Variants in ACLY observed in about 807,000 individuals in gnomAD.
The protein encoded by ACLY is ATP-citrate synthase.
Under a neutral mutation model 133.0 loss-of-function variants are expected in ACLY, and 41 were observed. That is an observed-to-expected ratio of 0.31 (90% CI 0.24 to 0.40). The LOEUF (loss-of-function observed/expected upper bound fraction) is 0.40, where lower values mean the gene tolerates loss of function less well. Ranked by LOEUF, ACLY falls within the 10% of genes least tolerant of loss-of-function variation. The pLI, the probability that ACLY is intolerant of heterozygous loss-of-function variation, is 1.00. For synonymous variants in ACLY, 495 were observed against 549.3 expected, an observed-to-expected ratio of 0.90 and a Z score of 1.38; for missense variants, 1,046 against 1,453.8, an observed-to-expected ratio of 0.72 and a Z score of 4.56.
chr17:41,873,956 A>T lies in ACLY; in HGVS notation c.2497T>A (p.Leu833Met). ...ATGAACGAGGCAGGTTTGCGGATCA[A>T]ACCAAGCTCCTGGGCAGAGATGGGG... ...MDYSWARELG[L>M]IRKPASFMTS... Residue 833 changes from leucine to methionine, a missense_variant, in exon 23 of 29, where the codon TTG (leucine) becomes ATG (methionine). Leu to Met is a conservative substitution (Grantham distance 15, BLOSUM62 2). Transcript: ENST00000352035. 1.2e-6 allele frequency: 2 copies of T among 1,601,462 alleles called. No individual in the cohort carries two copies. The highest frequency in any genetic ancestry group is 1.7e-6 in the Non-Finnish European group (2 of 1,171,710).
intron 11 of ACLY, among the ~76,000 whole-genome samples, chr17:41,901,442 A>G (rs1367432128): frequency 6.6e-6 from 1 of 152,194 alleles, no homozygotes; most frequent in Non-Finnish European, 1.5e-5. Context: ...TCACCAGCAC[A>G]AAGCCCAGCA....
At chr17:41,926,829 T>C (rs1408004870) in intron 1 of ACLY, among the ~76,000 whole-genome samples, 3 of 152,114 alleles carry the variant, frequency 2.0e-5, no homozygotes, top group Non-Finnish European at 4.4e-5. Flanking sequence ...ATATAATTAA[T>C]GTACAATAAA....
intron 9 of ACLY, among the ~76,000 whole-genome samples, chr17:41,904,993 G>T (rs1555632320): frequency 6.6e-6 from 1 of 152,094 alleles, no homozygotes; most frequent in East Asian, 1.9e-4. Context: ...CCAGACAGGG[G>T]TCAGAACAAA....
chr17:41,904,543 C>T (rs1216553440), intron 10 of ACLY, 186 bp downstream of exon 10: 13 of 604,852 alleles, frequency 2.1e-5, no homozygotes, highest in African/African-American at 9.3e-5. Context: ...AGACACACAG[C>T]GCAGATGGGC....
intron 1 of ACLY, among the ~76,000 whole-genome samples, chr17:41,928,761 G>A (rs1377875060): frequency 2.6e-5 from 4 of 151,190 alleles, no homozygotes; most frequent in Non-Finnish European, 5.9e-5. Context: ...GCTAAGGCAG[G>A]AGACTAGCTT....
At chr17:41,907,208 A>G (rs898830718) in intron 7 of ACLY, among the ~76,000 whole-genome samples, 1 of 152,182 alleles carries the variant, frequency 6.6e-6, no homozygotes, top group African/African-American at 2.4e-5. Flanking sequence ...TCAAGTGAAG[A>G]GTCGAGGGAG....
intron 1 of ACLY, among the ~76,000 whole-genome samples, chr17:41,914,276 T>C (rs1422864079): frequency 6.6e-6 from 1 of 152,188 alleles, no homozygotes; most frequent in Non-Finnish European, 1.5e-5. Context: ...GACCCAAATC[T>C]GAGTGCTGGT....
intron 3 of ACLY, among the ~76,000 whole-genome samples, chr17:41,910,493 G>A (rs1662152553): frequency 6.6e-6 from 1 of 152,246 alleles, no homozygotes; most frequent in African/African-American, 2.4e-5. Flanking sequence ...GGTGCGGGCT[G>A]TGCCTGAACA....
chr17:41,895,923 T>G (rs1308942453), intron 14 of ACLY, among the ~76,000 whole-genome samples: 1 of 152,214 alleles, frequency 6.6e-6, no homozygotes. Context: ...TCAGCTAGGC[T>G]GGTGGGTGAA....
rs2144310257 is a variant in ACLY at position 41,892,403 on chromosome 17, A to C, written c.1646T>G (p.Leu549Arg). 6.2e-7 allele frequency: 1 copy of C among 1,614,038 alleles called. No homozygotes were observed. Among genetic ancestry groups the C allele is most frequent in the South Asian group, 1.1e-5 (1 of 91,086 alleles). Residue 549 changes from leucine (L) to arginine (R), a missense_variant, in exon 16 of 29, where the codon CTG (leucine) becomes CGG (arginine). Leu to Arg is a moderately radical substitution (Grantham distance 102, BLOSUM62 -2). Coordinates refer to ENST00000352035, the MANE Select transcript of ACLY (RefSeq NM_001096.3). ...AGCCATGTTCTTGAAGACAGGGATC[A>C]GGATCTCTTTGTGCCCCCAGTAAAA... ...QKFYWGHKEI[L>R]IPVFKNMADA...
intron 11 of ACLY, 107 bp from the exon 12 acceptor site, chr17:41,898,892 A>G: frequency 1.7e-6 from 2 of 1,145,894 alleles, no homozygotes; most frequent in Middle Eastern, 5.4e-4. Context: ...TGTTTGGCGC[A>G]TTCAGTGCAA....
At chr17:41,913,199 C>T (rs1194002214) in intron 2 of ACLY, among the ~76,000 whole-genome samples, 2 of 152,238 alleles carry the variant, frequency 1.3e-5, no homozygotes, top group African/African-American at 2.4e-5. Context: ...CTATTCCAGG[C>T]TGACCCTCCA....
In ACLY at chr17:41,871,755, C is replaced by T; in HGVS notation, c.2871G>A (p.Met957Ile). Reference sequence around the variant, plus strand: ...CCTTCTTCATCTTGTTCACAAACTCCATGGGGATAATGCCACTGTCAAAGG... The same window carrying T: ...CCTTCTTCATCTTGTTCACAAACTCTATGGGGATAATGCCACTGTCAAAGG... Reference protein sequence around the residue: ...SKAFDSGIIPMEFVNKMKKEG... With the variant: ...SKAFDSGIIPIEFVNKMKKEG... The change falls in exon 25 of 29, where the codon ATG (methionine) becomes ATA (isoleucine). Residue 957 changes from methionine to isoleucine, a missense_variant. Physicochemically the swap from Met to Ile is conservative, Grantham distance 10 (BLOSUM62 1). This residue lies in a region of ACLY where 205 missense variants were observed against 373.3 expected (regional missense o/e 0.55). Transcript: ENST00000352035. 6.2e-7 allele frequency: 1 copy of T among 1,614,118 alleles called. No homozygotes were observed. Among genetic ancestry groups the T allele is most frequent in the Non-Finnish European group, 8.5e-7 (1 of 1,180,010 alleles).
At chr17:41,868,047 T>C in intron 28 of ACLY, 143 bp from the exon 29 acceptor site, 1 of 481,912 alleles carries the variant, frequency 2.1e-6, no homozygotes, top group Non-Finnish European at 3.7e-6. Flanking sequence ...ACTGTATAGG[T>C]AGATGAGGCG....
intron 10 of ACLY, 38 bp downstream of exon 10, chr17:41,904,691 A>G (rs1396465329): frequency 1.2e-6 from 2 of 1,603,376 alleles, no homozygotes; most frequent in Non-Finnish European, 1.7e-6. Flanking sequence ...TCCCCAAACC[A>G]CTTTCCCCAG....
At chr17:41,914,315 ACCTT>A (rs2144416479) in intron 1 of ACLY, among the ~76,000 whole-genome samples, 1 of 151,010 alleles carries the variant, frequency 6.6e-6, no homozygotes, top group African/African-American at 2.5e-5. Flanking sequence ...ACACTGAAAC[ACCTT>A]TCTGTTCTCT....
At chr17:41,922,172 A>G (rs1555635510), upstream of ACLY, among the ~76,000 whole-genome samples, 1 of 152,008 alleles carries the variant, frequency 6.6e-6, no homozygotes, top group East Asian at 1.9e-4. Flanking sequence ...AGGTCAGGAG[A>G]TTGAGACTAT....
chr17:41,908,357 T>A (rs1186142165), intron 6 of ACLY, among the ~76,000 whole-genome samples: 1 of 152,126 alleles, frequency 6.6e-6, no homozygotes, highest in Non-Finnish European at 1.5e-5. Flanking sequence ...GGCCTCTGAG[T>A]GTACCAGGAG....
chr17:41,913,663 T>A (rs2049967737), intron 2 of ACLY, 52 bp downstream of exon 2: 1 of 1,587,210 alleles, frequency 6.3e-7, no homozygotes, highest in Admixed American at 1.7e-5. Flanking sequence ...TGGCTTTCTC[T>A]TCCTCAGACC....
Sources: gnomAD v4.1 joint callset for allele counts (sites outside exome capture counted in the v4.1 genomes callset) on GRCh38, gnomAD v4.1.1 for gene constraint, gnomAD v4.1.1 regional missense constraint, MANE v1.5 for transcripts, NCBI Gene and HGNC (gene_info 2026-07-23, HGNC 2026-07-21) for gene names.